FLRT2: variants seen among roughly 807,000 people sequenced by gnomAD.
FLRT2 encodes the protein fibronectin leucine rich transmembrane protein 2, also known as leucine-rich repeat transmembrane protein FLRT2.
FLRT2 carries 15 observed loss-of-function variants against 40.0 expected under a neutral mutation model. The observed-to-expected ratio is 0.38, with a 90% confidence interval of 0.25 to 0.58. The LOEUF (loss-of-function observed/expected upper bound fraction) is 0.58. Among genes scored for constraint, FLRT2 ranks in the 20% least tolerant of loss-of-function variants. FLRT2 has a pLI of 0.71. For synonymous variants in FLRT2, 380 were observed against 336.8 expected (o/e 1.13, Z -1.41); for missense variants, 726 against 840.0 (o/e 0.86, Z 1.68).
intron 1 of FLRT2, among the ~76,000 whole-genome samples, chr14:85,570,725 G>A (rs925984435): frequency 5.3e-5 from 8 of 151,582 alleles, no homozygotes; most frequent in Non-Finnish European, 1.2e-4. Context: ...GGGACTCCAG[G>A]CACCCGCCAC....
rs1334067659 is a variant in FLRT2 at position 85,644,164 on chromosome 14, A to C, written c.*20667A>C. 3.9e-5 allele frequency: 6 copies of C among 152,042 alleles called. No individual in the cohort carries two copies. Among genetic ancestry groups the C allele is most frequent in the African/African-American group, 1.5e-4 (6 of 41,364 alleles). The allele number at this position is 152,042 out of a possible 1,614,324, so 9.4% of individuals were successfully genotyped here. A position where few individuals can be genotyped will look rare whatever the true frequency, so the allele number is the denominator to read the frequency against. On this transcript the variant is annotated 3_prime_UTR_variant, in exon 2 of 2. Transcript: ENST00000330753. ...GATTTTTTTTTTTAATCTATGAAGT[A>C]GTTGGCTATGTTTTGGAGAATATAC...
rs542217095 is a variant in FLRT2, at chr14:85,552,240, G to A, written c.-377+21706G>A. On this transcript the variant is annotated intron_variant, in intron 1 of 1. Transcript: ENST00000330753. ...GTCTTAGTGGTTAGAATTTGGCTCT[G>A]GGTTTAGTCTACTTGGGTTTGTAGG... 7.2e-5 allele frequency among the ~76,000 whole-genome samples: 11 copies of A among 152,224 alleles called. No homozygotes were observed. In the South Asian group the frequency reaches 2.3e-3, roughly 32 times the overall value.
intron 1 of FLRT2, among the ~76,000 whole-genome samples, chr14:85,618,124 C>A (rs1171006369): frequency 6.6e-6 from 1 of 152,196 alleles, no homozygotes; most frequent in African/African-American, 2.4e-5. Context: ...AGGCCCATCC[C>A]TGAGTACTTG....
At chr14:85,548,956 C>A (rs151105207) in intron 1 of FLRT2, among the ~76,000 whole-genome samples, 1 of 152,124 alleles carries the variant, frequency 6.6e-6, no homozygotes, top group African/African-American at 2.4e-5. Context: ...AGTAGCTGGA[C>A]GTTGGAGAAA....
At chr14:85,557,987 G>A (rs1890078107) in intron 1 of FLRT2, among the ~76,000 whole-genome samples, 1 of 152,106 alleles carries the variant, frequency 6.6e-6, no homozygotes, top group Non-Finnish European at 1.5e-5. Context: ...GTAGACTTCT[G>A]TGGAAAGCAT....
At chr14:85,591,840 T>A (rs34485385) in intron 1 of FLRT2, among the ~76,000 whole-genome samples, 46,798 of 152,128 alleles carry the variant, frequency 0.31, 7,912 homozygotes, top group African/African-American at 0.45. Flanking sequence ...TTTTGTCTGG[T>A]GAATACATAG....
chr14:85,576,286 G>A lies in FLRT2; in HGVS notation c.-376-44853G>A, dbSNP rs529382620. Among the ~76,000 whole-genome samples the A allele has an allele frequency of 1.6e-3, 241 of 151,870 alleles. 2 individuals are homozygous for A. The highest frequency in any genetic ancestry group is 3.6e-3 in the Admixed American group (55 of 15,262). On this transcript the variant is annotated intron_variant, in intron 1 of 1. Coordinates refer to ENST00000330753, the MANE Select transcript of FLRT2 (RefSeq NM_013231.6). The stretch of plus-strand genomic sequence containing the variant: ...ATTTACTTTTTTTTGTTTTTCTTTC[G>A]TGGCAAGAGCTGTGTATTTCCATTA...
chr14:85,579,675 C>A (rs1377103051), intron 1 of FLRT2, among the ~76,000 whole-genome samples: 1 of 152,136 alleles, frequency 6.6e-6, no homozygotes, highest in Non-Finnish European at 1.5e-5. Context: ...CACTGATATT[C>A]TTAAGCACTT....
Position 85,621,272 on chromosome 14 carries a change from A to G in FLRT2, c.-243A>G. 1.9e-6 allele frequency: 1 copy of G among 525,060 alleles called. No individual in the cohort carries two copies. The highest frequency in any genetic ancestry group is 3.3e-6 in the Non-Finnish European group (1 of 300,448). 32.5% of individuals were successfully genotyped at this position (525,060 alleles called of 1,614,324 possible). On this transcript the variant is annotated 5_prime_UTR_variant, in exon 2 of 2. Transcript: ENST00000330753. ...TGATAACTTGCCATCACCTGTTGCC[A>G]GTGTGGAAAAATTCTCCCTGTTGAA...
At position 85,651,013 on chromosome 14, in the gene FLRT2, T is replaced by A. The variant is rs1185940292; in HGVS notation, c.*27516T>A. ...ATAGGCCTGAGCCACTGGCCTGTTT[T>A]GTTTTTCTTAATATAAGGCTATACA... On this transcript the variant is annotated 3_prime_UTR_variant, in exon 2 of 2. Coordinates refer to ENST00000330753, the MANE Select transcript of FLRT2 (RefSeq NM_013231.6). 2.6e-5 allele frequency: 4 copies of A among 152,008 alleles called. No individual in the cohort carries two copies. Among genetic ancestry groups the A allele is most frequent in the African/African-American group, 9.7e-5 (4 of 41,406 alleles). 9.4% of individuals were successfully genotyped at this position (152,008 alleles called of 1,614,324 possible).
chr14:85,589,015 T>C (rs971104965), intron 1 of FLRT2, among the ~76,000 whole-genome samples: 1 of 152,290 alleles, frequency 6.6e-6, no homozygotes, highest in Non-Finnish European at 1.5e-5. Flanking sequence ...GATGGACACT[T>C]AGGTTCTTTC....
At chr14:85,535,037 A>C (rs1888563515) in intron 1 of FLRT2, among the ~76,000 whole-genome samples, 1 of 152,190 alleles carries the variant, frequency 6.6e-6, no homozygotes. Flanking sequence ...AACCAAGTGT[A>C]AGGCACAAAT....
chr14:85,609,859 AG>A (rs1354547254), intron 1 of FLRT2, among the ~76,000 whole-genome samples: 1 of 152,216 alleles, frequency 6.6e-6, no homozygotes, highest in Admixed American at 6.5e-5. Flanking sequence ...GGTCACTAAA[AG>A]CCACTTTTTC....
intron 1 of FLRT2, among the ~76,000 whole-genome samples, chr14:85,580,058 C>A (rs1205737426): frequency 6.7e-6 from 1 of 149,556 alleles, no homozygotes; most frequent in Non-Finnish European, 1.5e-5. Context: ...AGATTTGCAT[C>A]TTGTCTTTCT....
At chr14:85,605,091 A>T (rs554591394) in intron 1 of FLRT2, among the ~76,000 whole-genome samples, 35 of 152,262 alleles carry the variant, frequency 2.3e-4, no homozygotes, top group African/African-American at 7.7e-4. Flanking sequence ...GAGCGTTTTC[A>T]TCTTTTCTTT....
At chr14:85,616,536 T>C (rs2073331) in intron 1 of FLRT2, among the ~76,000 whole-genome samples, 9,372 of 152,292 alleles carry the variant, frequency 0.062, 508 homozygotes, top group African/African-American at 0.14. Flanking sequence ...CTTCTCTCAG[T>C]TGAGCTGGGA....
rs1040632915 is a variant in FLRT2 at position 85,633,459 on chromosome 14, C to G, written c.*9962C>G. The G allele has an allele frequency of 6.6e-6, 1 of 151,908 alleles. No homozygotes were observed. The highest frequency in any genetic ancestry group is 2.4e-5 in the African/African-American group (1 of 41,340). 9.4% of individuals were successfully genotyped at this position (151,908 alleles called of 1,614,324 possible). Reference sequence around the variant, plus strand: ...GAATATGTGGGTGTCAAAAGAGCCCCAGGAATGAGCATTCAGAAGGCATTG... The same window carrying G: ...GAATATGTGGGTGTCAAAAGAGCCCGAGGAATGAGCATTCAGAAGGCATTG... On this transcript the variant is annotated 3_prime_UTR_variant, in exon 2 of 2. Coordinates refer to ENST00000330753, the MANE Select transcript of FLRT2 (RefSeq NM_013231.6).
intron 1 of FLRT2, among the ~76,000 whole-genome samples, chr14:85,536,546 C>A (rs1365942327): frequency 6.6e-6 from 1 of 151,952 alleles, no homozygotes; most frequent in African/African-American, 2.4e-5. Context: ...TCCTTTTTCA[C>A]TAGATTACTT....
intron 1 of FLRT2, among the ~76,000 whole-genome samples, chr14:85,555,528 G>A (rs1464264968): frequency 6.6e-6 from 1 of 152,024 alleles, no homozygotes; most frequent in East Asian, 1.9e-4. Context: ...TCACTACCAT[G>A]AGAACAGTAT....
Sources: gnomAD v4.1 joint callset for allele counts (sites outside exome capture counted in the v4.1 genomes callset) on GRCh38, gnomAD v4.1.1 for gene constraint, MANE v1.5 for transcripts, NCBI Gene and HGNC (gene_info 2026-07-23, HGNC 2026-07-21) for gene names.